Variants in ZNF500 observed in about 807,000 individuals in gnomAD.
The protein encoded by ZNF500 is zinc finger protein with KRAB and SCAN domains 18.
A neutral mutation model predicts 30.1 loss-of-function variants in ZNF500; 31 were observed. That is an observed-to-expected ratio of 1.03 (90% CI 0.77 to 1.39). The LOEUF (loss-of-function observed/expected upper bound fraction) is 1.39, where lower values mean the gene tolerates loss of function less well. ZNF500 is among the 40% of genes most tolerant of loss of function. ZNF500 has a pLI of 0.00. For missense variants in ZNF500, 817 were observed against 657.8 expected, an observed-to-expected ratio of 1.24 and a Z score of -2.65; for synonymous variants, 392 against 282.0, an observed-to-expected ratio of 1.39 and a Z score of -3.91.
chr16:4,746,647 G>A (rs2082020973), downstream of ZNF500: 2 of 1,242,166 alleles, frequency 1.6e-6, no homozygotes, highest in Non-Finnish European at 2.2e-6. Flanking sequence ...CAATTGAAAA[G>A]TGCTGGCCTA....
Position 4,752,600 on chromosome 16 carries a change from G to C in ZNF500, c.1219C>G (p.Arg407Gly), listed in dbSNP as rs752694669. 4 of 1,595,508 alleles carry C rather than the reference G, an allele frequency of 2.5e-6. No homozygotes were observed. The highest frequency in any genetic ancestry group is 2.7e-5 in the African/African-American group (2 of 74,468). Residue 407 changes from arginine to glycine, a missense_variant, in exon 6 of 6, where the codon CGG becomes GGG. Arg to Gly is a moderately radical substitution (Grantham distance 125). Coordinates refer to ENST00000219478, the MANE Select transcript of ZNF500 (RefSeq NM_021646.4). ...VIHRRTHSGE[R>G]PYACTQCGKR... is the part of the protein sequence containing the mutation. ...CCGCACTGGGTGCAGGCATAGGGCC[G>C]CTCCCCGCTGTGTGTCCTGCGGTGG...
rs1258089585 is a variant in ZNF500, at chr16:4,765,617, G to A, written c.362C>T (p.Ala121Val). ...CTGCAGCCCTTCCACAAGGACCACG[G>A]CCTCCTCACCGCTCTCCGGCTGCTG... ...REQQPESGEE[A>V]VVLVEGLQRK... The change falls in exon 2 of 6, where the codon GCC becomes GTC. Residue 121 changes from alanine to valine, a missense_variant. By Grantham distance (64) the Ala-to-Val change is moderately conservative. Coordinates refer to ENST00000219478, the MANE Select transcript of ZNF500 (RefSeq NM_021646.4). The A allele has an allele frequency of 9.9e-6, 16 of 1,612,788 alleles. No individual in the cohort carries two copies. The highest frequency in any genetic ancestry group is 3.3e-5 in the Admixed American group (2 of 59,902).
chr16:4,761,478 T>C (rs1169592796), intron 4 of ZNF500, among the ~76,000 whole-genome samples: 7 of 129,820 alleles, frequency 5.4e-5, no homozygotes, highest in South Asian at 2.6e-4. Context: ...TACACATACA[T>C]ACACACACAC....
chr16:4,760,551 G>A lies in ZNF500; in HGVS notation c.701C>T (p.Ser234Phe). The A allele has an allele frequency of 1.2e-6, 2 of 1,613,632 alleles. No homozygotes were observed. The highest frequency in any genetic ancestry group is 1.3e-5 in the African/African-American group (1 of 74,916). ...GTCCATGCATCTTGGCTCCTCCCCA[G>A]AAAGGTATACAGCCACGTCCTCCAA... ...VNLEDVAVYL[S>F]GEEPRCMDPA... Residue 234 changes from serine (S) to phenylalanine (F), a missense_variant, in exon 5 of 6, where the codon TCT becomes TTT. Coordinates refer to ENST00000219478, the MANE Select transcript of ZNF500 (RefSeq NM_021646.4).
intron 5 of ZNF500, among the ~76,000 whole-genome samples, chr16:4,757,196 G>C (rs983163614): frequency 1.3e-5 from 2 of 152,220 alleles, no homozygotes; most frequent in Non-Finnish European, 2.9e-5. Flanking sequence ...TTGAGCAGCA[G>C]CAAGATTTAT....
Position 4,752,849 on chromosome 16 carries a change from G to T in ZNF500, c.970C>A (p.Pro324Thr). 1 of 1,614,194 alleles carries T rather than the reference G, an allele frequency of 6.2e-7. No individual in the cohort carries two copies. The highest frequency in any genetic ancestry group is 1.1e-5 in the South Asian group (1 of 91,092). Residue 324 changes from proline (P) to threonine (T), a missense_variant, in exon 6 of 6, where the codon CCG becomes ACG. Coordinates refer to ENST00000219478, the MANE Select transcript of ZNF500 (RefSeq NM_021646.4). ...GRRASHGADK[P>T]YTCPECGKGF... ...TTGCCACATTCGGGGCAGGTGTACGGCTTGTCAGCCCCATGGGAAGCCCGT... is the reference window on the plus strand; with the variant it reads ...TTGCCACATTCGGGGCAGGTGTACGTCTTGTCAGCCCCATGGGAAGCCCGT...
At chr16:4,761,893 C>CA (rs2082205797) in intron 4 of ZNF500, among the ~76,000 whole-genome samples, 2 of 149,646 alleles carry the variant, frequency 1.3e-5, no homozygotes, top group South Asian at 4.2e-4. Flanking sequence ...ACAAAAACCC[C>CA]AAAAAAACCA....
chr16:4,747,334 G>A (rs1451799776), downstream of ZNF500: 11 of 1,549,548 alleles, frequency 7.1e-6, no homozygotes, highest in African/African-American at 1.4e-5. Flanking sequence ...TGGTCTCATT[G>A]TGTCACAGGA....
rs139382261 is a variant in ZNF500 at position 4,762,619 on chromosome 16, C to G, written c.552G>C (p.Gln184His). 2.4e-4 allele frequency: 386 copies of G among 1,614,064 alleles called. 3 individuals are homozygous for G. The highest frequency in any genetic ancestry group is 1.5e-3 in the Middle Eastern group (9 of 6,060). Residue 184 changes from glutamine to histidine, a missense_variant, in exon 3 of 6, where the codon CAG becomes CAC. Transcript: ENST00000219478. ...ARFSSQQPPA[Q>H]LSHRPQRGPL... ...GGCCCCTCTGTGGCCTGTGGCTCAGCTGGGCTGGGGGCTGCTGGCTGGAGA... is the reference window on the plus strand; with the variant it reads ...GGCCCCTCTGTGGCCTGTGGCTCAGGTGGGCTGGGGGCTGCTGGCTGGAGA...
chr16:4,756,015 G>C (rs1364741596), intron 5 of ZNF500, among the ~76,000 whole-genome samples: 4 of 152,154 alleles, frequency 2.6e-5, no homozygotes, highest in African/African-American at 9.7e-5. Context: ...CCCAGAGACA[G>C]AGCAGACAGG....
At chr16:4,753,220 G>A in intron 5 of ZNF500, 162 bp from the exon 6 acceptor site, 1 of 1,340,232 alleles carries the variant, frequency 7.5e-7, no homozygotes, top group Non-Finnish European at 9.6e-7. Context: ...CAGCACTTTG[G>A]AAGGCTGAAG....
chr16:4,755,674 T>A (rs1479773518), intron 5 of ZNF500, among the ~76,000 whole-genome samples: 1 of 151,558 alleles, frequency 6.6e-6, no homozygotes, highest in African/African-American at 2.4e-5. Context: ...TAAACAAGAG[T>A]CATTATATGA....
Position 4,766,052 on chromosome 16 carries a change from C to A in ZNF500, c.-74G>T. On this transcript the variant is annotated 5_prime_UTR_variant, in exon 2 of 6. Transcript: ENST00000219478. Reference sequence around the variant, plus strand: ...CTCTCTCTATACCTCTGGCCAGACACAGGAAGAGAGTTTTTTTCAGGGCCC... The same window carrying A: ...CTCTCTCTATACCTCTGGCCAGACAAAGGAAGAGAGTTTTTTTCAGGGCCC... The A allele has an allele frequency of 1.9e-5, 28 of 1,481,650 alleles. 1 individual carries two copies. Among genetic ancestry groups the A allele is most frequent in the Non-Finnish European group, 2.5e-5 (28 of 1,120,096 alleles). The allele number at this position is 1,481,650 out of a possible 1,614,324, so 91.8% of individuals were successfully genotyped here. A position where few individuals can be genotyped will look rare whatever the true frequency, so the allele number is the denominator to read the frequency against.
At chr16:4,766,503 C>G (rs767839240) in intron 1 of ZNF500, among the ~76,000 whole-genome samples, 1 of 152,144 alleles carries the variant, frequency 6.6e-6, no homozygotes, top group Non-Finnish European at 1.5e-5. Flanking sequence ...CATCTGTAAT[C>G]CCAGCAACTC....
chr16:4,760,505 C>G lies in ZNF500; in HGVS notation c.747G>C (p.Pro249=), dbSNP rs749347263. The stretch of plus-strand genomic sequence containing the variant: ...CTTGCAAGTTACCTTCATTCTCCAG[C>G]GGCGCGTCCCGCTGAGCTGGGTCCA... ...RCMDPAQRDA[P]LENEGPGIQL... The change falls in exon 5 of 6, where the codon CCG becomes CCC. Residue 249 remains proline (P), a synonymous_variant. Transcript: ENST00000219478. 1.2e-6 allele frequency: 2 copies of G among 1,613,294 alleles called. No homozygotes were observed. Among genetic ancestry groups the G allele is most frequent in the Admixed American group, 1.7e-5 (1 of 59,890 alleles).
chr16:4,759,041 TCTACTAAAAA>T (rs543268793), intron 5 of ZNF500, among the ~76,000 whole-genome samples: 306 of 151,992 alleles, frequency 2.0e-3, no homozygotes, highest in African/African-American at 7.0e-3. Flanking sequence ...AAAACCCAGC[TCTACTAAAAA>T]TAGAAAAATT....
At chr16:4,746,941 CCT>C (rs1261510007), downstream of ZNF500, 11 of 1,561,868 alleles carry the variant, frequency 7.0e-6, no homozygotes, top group Non-Finnish European at 8.6e-6. Flanking sequence ...AGCCACAGCT[CCT>C]CTGACAGTGA....
At chr16:4,755,351 C>G (rs189778438) in intron 5 of ZNF500, among the ~76,000 whole-genome samples, 8 of 152,076 alleles carry the variant, frequency 5.3e-5, no homozygotes, top group African/African-American at 1.9e-4. Context: ...GAGTCTCGCT[C>G]TGTCTTCCAG....
chr16:4,763,856 G>T (rs2082234418), intron 2 of ZNF500: 1 of 985,448 alleles, frequency 1.0e-6, no homozygotes, highest in East Asian at 1.1e-4. Flanking sequence ...AGCATTAGGG[G>T]ATGTGCCTCC....
Sources: gnomAD v4.1 joint callset for allele counts (sites outside exome capture counted in the v4.1 genomes callset) on GRCh38, gnomAD v4.1.1 for gene constraint, MANE v1.5 for transcripts, NCBI Gene and HGNC (gene_info 2026-07-23, HGNC 2026-07-21) for gene names.